ABCA13: variants seen among roughly 807,000 people sequenced by gnomAD.
The protein encoded by ABCA13 is ATP-binding cassette sub-family A member 13.
ABCA13 carries 476 observed loss-of-function variants against 478.7 expected under a neutral mutation model. That is an observed-to-expected ratio of 0.99 (90% CI 0.92 to 1.07). The LOEUF (loss-of-function observed/expected upper bound fraction) is 1.07. Ranked by LOEUF, ABCA13 falls within the 50% of genes least tolerant of loss-of-function variation. ABCA13 has a pLI of 0.00. For missense variants in ABCA13, 6,060 were observed against 5,910.6 expected, an observed-to-expected ratio of 1.03 and a Z score of -0.83; for synonymous variants, 2,252 against 2,158.9, an observed-to-expected ratio of 1.04 and a Z score of -1.20.
chr7:48,427,687 G>T, intron 41 of ABCA13, 79 bp from the exon 42 acceptor site: 1 of 882,690 alleles, frequency 1.1e-6, no homozygotes, highest in South Asian at 1.5e-5. Flanking sequence ...AACCGGATTA[G>T]GCAATTGAGG....
At chr7:48,225,163 T>G (rs1489542458) in intron 5 of ABCA13, among the ~76,000 whole-genome samples, 2 of 146,798 alleles carry the variant, frequency 1.4e-5, no homozygotes, top group African/African-American at 5.0e-5. Flanking sequence ...CTTCCTTCCT[T>G]CCTTCCTTCC....
intron 42 of ABCA13, among the ~76,000 whole-genome samples, chr7:48,451,698 T>C (rs1189895466): frequency 6.6e-6 from 1 of 152,222 alleles, no homozygotes; most frequent in Non-Finnish European, 1.5e-5. Flanking sequence ...TATAAAATCT[T>C]CAAGAACACT....
rs200806873 is a variant in ABCA13, at chr7:48,249,323, G to T, written c.1977G>T (p.Met659Ile). ...GCGAAGTGGCCCAATATGTAAATAT[G>T]CAAGAGAGTTTCCAGAACAGACTAT... ...KTCEVAQYVN[M>I]QESFQNRLLA... Residue 659 changes from methionine to isoleucine, a missense_variant, in exon 15 of 62, where the codon ATG becomes ATT. Met to Ile is a conservative substitution (Grantham distance 10). Coordinates refer to ENST00000435803, the MANE Select transcript of ABCA13 (RefSeq NM_152701.5). The T allele has an allele frequency of 2.9e-4, 460 of 1,613,124 alleles. No homozygotes were observed. The highest frequency in any genetic ancestry group is 3.8e-4 in the Non-Finnish European group (446 of 1,179,430).
chr7:48,626,228 C>G (rs767015676), intron 59 of ABCA13, among the ~76,000 whole-genome samples: 3 of 152,150 alleles, frequency 2.0e-5, no homozygotes, highest in Non-Finnish European at 4.4e-5. Flanking sequence ...AAGAAGGTTT[C>G]AAAGCCCATG....
chr7:48,510,001 G>A (rs753352381), intron 50 of ABCA13, among the ~76,000 whole-genome samples: 4 of 152,188 alleles, frequency 2.6e-5, no homozygotes, highest in Non-Finnish European at 4.4e-5. Context: ...AGAACTGTGA[G>A]CAATAAAGTT....
chr7:48,617,677 G>A (rs950666674), intron 59 of ABCA13, among the ~76,000 whole-genome samples: 1 of 152,132 alleles, frequency 6.6e-6, no homozygotes, highest in African/African-American at 2.4e-5. Flanking sequence ...GAGAGCACGA[G>A]GGTTTAGTCA....
At chr7:48,346,479 C>T (rs372762337) in intron 29 of ABCA13, among the ~76,000 whole-genome samples, 12 of 151,692 alleles carry the variant, frequency 7.9e-5, no homozygotes, top group East Asian at 3.9e-4. Flanking sequence ...TGCCCTACAC[C>T]GAGAAATTTA....
intron 48 of ABCA13, 45 bp from the exon 49 acceptor site, chr7:48,506,291 T>C (rs368967708): frequency 1.3e-6 from 2 of 1,596,062 alleles, no homozygotes; most frequent in Non-Finnish European, 1.7e-6. Context: ...CGATTCACCA[T>C]GCAGGAGCAG....
chr7:48,330,737 ACATC>A (rs201089135), intron 27 of ABCA13, among the ~76,000 whole-genome samples: 2,645 of 136,916 alleles, frequency 0.019, 26 homozygotes, highest in Non-Finnish European at 0.022. Context: ...ATCCATTGAC[ACATC>A]CATCCATCCA....
rs774445105 is a variant in ABCA13 at position 48,265,853 on chromosome 7, G to A, written c.2006-3127G>A. 3.8e-4 allele frequency among the ~76,000 whole-genome samples: 58 copies of A among 151,580 alleles called. 1 individual carries two copies. Among genetic ancestry groups the A allele is most frequent in the African/African-American group, 1.3e-3 (54 of 41,478 alleles). On this transcript the variant is annotated intron_variant, in intron 15 of 61. Transcript: ENST00000435803. ...TCTTTTCCTTGATCCTGGAAGAGGCGCATTTAATCTTTGGCAATTGAGTGT... is the reference window on the plus strand; with the variant it reads ...TCTTTTCCTTGATCCTGGAAGAGGCACATTTAATCTTTGGCAATTGAGTGT...
At chr7:48,452,421 C>T (rs1001182468) in intron 42 of ABCA13, among the ~76,000 whole-genome samples, 3 of 152,140 alleles carry the variant, frequency 2.0e-5, no homozygotes, top group African/African-American at 7.2e-5. Context: ...GATGATTGTT[C>T]TCAATGAACC....
intron 31 of ABCA13, among the ~76,000 whole-genome samples, chr7:48,363,507 T>A (rs1215579789): frequency 6.6e-6 from 1 of 152,144 alleles, no homozygotes; most frequent in South Asian, 2.1e-4. Flanking sequence ...AGACTCTTGA[T>A]GTATTCTAGC....
chr7:48,377,570 CATAAAA>C (rs1328539362), intron 35 of ABCA13, among the ~76,000 whole-genome samples: 1 of 151,894 alleles, frequency 6.6e-6, no homozygotes, highest in Non-Finnish European at 1.5e-5. Flanking sequence ...GATGGGTAAA[CATAAAA>C]ATAATATGGG....
At chr7:48,511,648 T>C (rs1318067939) in intron 51 of ABCA13, among the ~76,000 whole-genome samples, 1 of 152,134 alleles carries the variant, frequency 6.6e-6, no homozygotes, top group East Asian at 1.9e-4. Context: ...TTTTTTCAGA[T>C]GAAAAAATAG....
chr7:48,334,164 T>A (rs900095862), intron 27 of ABCA13, among the ~76,000 whole-genome samples: 1 of 152,154 alleles, frequency 6.6e-6, no homozygotes, highest in Admixed American at 6.5e-5. Flanking sequence ...TTTTTAAAGA[T>A]TTTACAGATC....
rs191026398 is a variant in ABCA13, at chr7:48,192,948, T to A, written c.70-11T>A. ...TATTCAGGTGATTTTTTTTTTTTTT[T>A]AATTTTCTAGGTCCTTTTCCTTGCT... On this transcript the variant is annotated splice_polypyrimidine_tract_variant and intron_variant, in intron 1 of 61. Coordinates refer to ENST00000435803, the MANE Select transcript of ABCA13 (RefSeq NM_152701.5). 1,824 of 1,472,764 alleles carry A rather than the reference T, an allele frequency of 1.2e-3. 9 individuals carry two copies. The African/African-American group carries it at 0.02, about 16-fold the overall frequency. The allele number at this position is 1,472,764 out of a possible 1,614,324, so 91.2% of individuals were successfully genotyped here. A position where few individuals can be genotyped will look rare whatever the true frequency, so the allele number is the denominator to read the frequency against.
chr7:48,418,796 T>A (rs12536701), intron 41 of ABCA13, among the ~76,000 whole-genome samples: 6 of 152,012 alleles, frequency 3.9e-5, no homozygotes, highest in Non-Finnish European at 5.9e-5. Flanking sequence ...TTAATCTGTC[T>A]ATATTTTAAT....
At chr7:48,423,091 A>G (rs1347417603) in intron 41 of ABCA13, among the ~76,000 whole-genome samples, 2 of 152,254 alleles carry the variant, frequency 1.3e-5, no homozygotes, top group Non-Finnish European at 2.9e-5. Flanking sequence ...TAGGAAATTC[A>G]TACAAGCTCC....
At chr7:48,448,168 G>A (rs36119580) in intron 42 of ABCA13, among the ~76,000 whole-genome samples, 45,206 of 151,936 alleles carry the variant, frequency 0.3, 6,804 homozygotes, top group East Asian at 0.38. Flanking sequence ...TCAGAGAGCA[G>A]GGTTAAGGCT....
Sources: gnomAD v4.1 joint callset for allele counts (sites outside exome capture counted in the v4.1 genomes callset) on GRCh38, gnomAD v4.1.1 for gene constraint, MANE v1.5 for transcripts, NCBI Gene and HGNC (gene_info 2026-07-23, HGNC 2026-07-21) for gene names.